The following CHN1 variants were observed in gnomAD, a reference collection of about 807,000 sequenced individuals.
The protein encoded by CHN1 is N-chimaerin.
CHN1 carries 37 observed loss-of-function variants against 59.5 expected under a neutral mutation model. That is an observed-to-expected ratio of 0.62 (90% confidence interval 0.48 to 0.82). CHN1 has a LOEUF of 0.82. Ranked by LOEUF, CHN1 falls within the 40% of genes least tolerant of loss-of-function variation. The pLI, the probability that CHN1 is intolerant of heterozygous loss-of-function variation, is 0.00. For synonymous variants in CHN1, 206 were observed against 200.4 expected (o/e 1.03, Z -0.24); for missense variants, 469 against 571.0 (o/e 0.82, Z 1.82).
chr2:174,931,387 G>A (rs1468136270), intron 3 of CHN1, among the ~76,000 whole-genome samples: 1 of 152,172 alleles, frequency 6.6e-6, no homozygotes, highest in African/African-American at 2.4e-5. Flanking sequence ...ATTTCAATTA[G>A]AGTGTTTTCC....
intron 1 of CHN1, among the ~76,000 whole-genome samples, chr2:174,957,285 A>C (rs1690237095): frequency 1.3e-5 from 2 of 152,178 alleles, no homozygotes; most frequent in Admixed American, 1.3e-4. Flanking sequence ...CCCTGAAAAG[A>C]CCATGAAAAG....
At chr2:174,986,701 C>T (rs1691354594) in intron 1 of CHN1, among the ~76,000 whole-genome samples, 1 of 152,198 alleles carries the variant, frequency 6.6e-6, no homozygotes, top group Admixed American at 6.5e-5. Flanking sequence ...CAACGATCCA[C>T]ATATTTTCAA....
chr2:174,905,795 T>C (rs925779562), intron 5 of CHN1, among the ~76,000 whole-genome samples: 2 of 151,798 alleles, frequency 1.3e-5, no homozygotes, highest in African/African-American at 4.8e-5. Flanking sequence ...CCTGACCTCG[T>C]GATCTACCCG....
intron 5 of CHN1, among the ~76,000 whole-genome samples, chr2:174,884,656 T>C (rs1300450570): frequency 6.6e-6 from 1 of 152,326 alleles, no homozygotes; most frequent in South Asian, 2.1e-4. Flanking sequence ...AGCATATATA[T>C]ACATCTGGCA....
chr2:174,845,734 G>A (rs1686485216), intron 7 of CHN1, among the ~76,000 whole-genome samples: 1 of 116,178 alleles, frequency 8.6e-6, no homozygotes, highest in Non-Finnish European at 1.6e-5. Flanking sequence ...ATGATCTGAA[G>A]ATCACAAAAA....
At chr2:174,871,411 G>C (rs1687403947) in intron 6 of CHN1, among the ~76,000 whole-genome samples, 1 of 151,988 alleles carries the variant, frequency 6.6e-6, no homozygotes, top group Non-Finnish European at 1.5e-5. Flanking sequence ...TCTCAGGAGT[G>C]ATTTCCATTA....
intron 5 of CHN1, among the ~76,000 whole-genome samples, chr2:174,899,689 A>C (rs1688328060): frequency 6.6e-6 from 1 of 152,238 alleles, no homozygotes; most frequent in African/African-American, 2.4e-5. Context: ...TTTTGACTAA[A>C]ATTAAGGACA....
intron 5 of CHN1, among the ~76,000 whole-genome samples, chr2:174,895,215 C>T (rs62183355): frequency 0.41 from 52,044 of 127,768 alleles, 9,521 homozygotes; most frequent in African/African-American, 0.45. Flanking sequence ...TATATATATA[C>T]ACACACACAC....
intron 6 of CHN1, among the ~76,000 whole-genome samples, chr2:174,856,962 T>C (rs947822037): frequency 3.3e-5 from 5 of 152,248 alleles, no homozygotes; most frequent in Middle Eastern, 6.8e-3. Flanking sequence ...TTGTCAGCAC[T>C]ATTCCTTAAG....
At position 174,877,948 on chromosome 2, in the gene CHN1, T is replaced by C. The variant is rs1687621942; in HGVS notation, c.441A>G (p.Gly147=). Reference sequence around the variant, plus strand: ...CTGGCTCTCTGTTTAAGGTTGTGTATCCTACGTGCTCATAAATTGGGTTTA... The same window carrying C: ...CTGGCTCTCTGTTTAAGGTTGTGTACCCTACGTGCTCATAAATTGGGTTTA... ...MTINPIYEHV[G]YTTLNREPAY... The change falls in exon 6 of 13, where the codon GGA becomes GGG. Residue 147 remains glycine (G), a synonymous_variant. Coordinates refer to ENST00000409900, the MANE Select transcript of CHN1 (RefSeq NM_001822.7). 1 of 1,613,964 alleles carries C rather than the reference T, an allele frequency of 6.2e-7. No homozygotes were observed. Among genetic ancestry groups the C allele is most frequent in the Non-Finnish European group, 8.5e-7 (1 of 1,179,864 alleles).
chr2:175,001,607 A>G (rs1691890479), intron 1 of CHN1, among the ~76,000 whole-genome samples: 1 of 152,228 alleles, frequency 6.6e-6, no homozygotes, highest in African/African-American at 2.4e-5. Context: ...GGTAACAAGA[A>G]TAAGGGGCAA....
chr2:174,988,096 A>G (rs1408258945), intron 1 of CHN1, among the ~76,000 whole-genome samples: 2 of 152,188 alleles, frequency 1.3e-5, no homozygotes, highest in East Asian at 3.9e-4. Context: ...GCGGTGGCTC[A>G]CGCCTGTAAT....
chr2:174,944,976 T>G, intron 2 of CHN1, 33 bp from the exon 3 acceptor site: 1 of 1,473,746 alleles, frequency 6.8e-7, no homozygotes, highest in Admixed American at 2.0e-5. Context: ...AGTGTCAATG[T>G]CCCTTACATA....
At chr2:174,923,570 T>C (rs930465454) in intron 3 of CHN1, among the ~76,000 whole-genome samples, 1 of 152,210 alleles carries the variant, frequency 6.6e-6, no homozygotes, top group Non-Finnish European at 1.5e-5. Flanking sequence ...TTGCAGGTAG[T>C]TGAAGGTATA....
Position 174,878,134 on chromosome 2 carries a change from T to C in CHN1, c.261-6A>G, listed in dbSNP as rs1687628325. On this transcript the variant is annotated splice_region_variant and splice_polypyrimidine_tract_variant and intron_variant, in intron 5 of 12. Coordinates refer to ENST00000409900, the MANE Select transcript of CHN1 (RefSeq NM_001822.7). ...TTCTGGTTTGACTTCCAAATCTGCC[T>C]CAATGAAATGGGAAAGATGTTTTTA... is the stretch of plus-strand genomic sequence containing the variant. The C allele has an allele frequency of 3.9e-6, 6 of 1,521,358 alleles. No individual in the cohort carries two copies. Among genetic ancestry groups the C allele is most frequent in the Non-Finnish European group, 5.3e-6 (6 of 1,129,430 alleles). 94.2% of individuals were successfully genotyped at this position (1,521,358 alleles called of 1,614,324 possible). A position where few individuals can be genotyped will look rare whatever the true frequency, so the allele number is the denominator to read the frequency against.
At chr2:174,901,931 C>G (rs777242336) in intron 5 of CHN1, among the ~76,000 whole-genome samples, 6 of 152,172 alleles carry the variant, frequency 3.9e-5, no homozygotes, top group Non-Finnish European at 7.4e-5. Flanking sequence ...GCAAACTTCT[C>G]ATATATTTAT....
chr2:174,872,939 T>C (rs960937659), intron 6 of CHN1, among the ~76,000 whole-genome samples: 2 of 152,076 alleles, frequency 1.3e-5, no homozygotes, highest in Non-Finnish European at 2.9e-5. Flanking sequence ...ATGGTATCCA[T>C]AATCCCCATT....
At chr2:174,939,620 TCTCA>T (rs1469803215) in intron 3 of CHN1, among the ~76,000 whole-genome samples, 1 of 152,230 alleles carries the variant, frequency 6.6e-6, no homozygotes, top group African/African-American at 2.4e-5. Context: ...ACTGCCAATT[TCTCA>T]CTTTCAGTTT....
intron 1 of CHN1, among the ~76,000 whole-genome samples, chr2:174,961,788 C>T (rs1196108949): frequency 6.6e-6 from 1 of 152,108 alleles, no homozygotes; most frequent in East Asian, 1.9e-4. Flanking sequence ...TGTTATACCA[C>T]ATGCCATGTA....
Sources: allele counts gnomAD v4.1 joint callset (sites outside exome capture counted in the v4.1 genomes callset), GRCh38; gene constraint gnomAD v4.1.1; transcripts MANE v1.5; gene names NCBI Gene and HGNC (gene_info 2026-07-23, HGNC 2026-07-21).